The following DYM variants were observed in gnomAD, a reference collection of about 807,000 sequenced individuals.
The protein encoded by DYM is dyggve-Melchior-Clausen syndrome protein.
In DYM, 78 loss-of-function variants were observed where a neutral mutation model predicts 93.1. That is an observed-to-expected ratio of 0.84 (90% confidence interval 0.70 to 1.01). The LOEUF (loss-of-function observed/expected upper bound fraction) is 1.01. DYM is among the 50% of genes least tolerant of loss of function. The probability of loss-of-function intolerance (pLI) is 0.00; values close to 1 mark genes in which losing one functional copy is unlikely to be tolerated. For missense variants in DYM, 789 were observed against 845.0 expected, an observed-to-expected ratio of 0.93 and a Z score of 0.82; for synonymous variants, 321 against 319.7, an observed-to-expected ratio of 1.00 and a Z score of -0.04.
intron 8 of DYM, among the ~76,000 whole-genome samples, chr18:49,328,553 C>A (rs1160998427): frequency 6.6e-6 from 1 of 152,114 alleles, no homozygotes; most frequent in Non-Finnish European, 1.5e-5. Flanking sequence ...GGGCTAATAT[C>A]CACAATCTAC....
chr18:49,159,910 G>T (rs80341063), intron 15 of DYM, among the ~76,000 whole-genome samples: 1 of 152,074 alleles, frequency 6.6e-6, no homozygotes, highest in Non-Finnish European at 1.5e-5. Context: ...TATGGTTATA[G>T]CTTAAAAAGC....
chr18:49,447,060 CAA>C (rs59079856), intron 1 of DYM, among the ~76,000 whole-genome samples: 9 of 98,360 alleles, frequency 9.2e-5, no homozygotes, highest in African/African-American at 1.2e-4. Context: ...GACTCCATCA[CAA>C]AAAAAAAAAA....
chr18:49,176,783 AATTT>A (rs1388610102), intron 14 of DYM, among the ~76,000 whole-genome samples: 5 of 152,078 alleles, frequency 3.3e-5, no homozygotes, highest in African/African-American at 1.2e-4. Flanking sequence ...AAAAATTGGT[AATTT>A]ATCTAAAAAG....
intron 13 of DYM, among the ~76,000 whole-genome samples, chr18:49,217,422 C>A (rs533151834): frequency 6.6e-6 from 1 of 151,894 alleles, no homozygotes; most frequent in Non-Finnish European, 1.5e-5. Context: ...AGATACTCCT[C>A]GAGAAGAGCA....
chr18:49,267,758 C>T (rs1277104779), intron 11 of DYM, among the ~76,000 whole-genome samples: 2 of 152,078 alleles, frequency 1.3e-5, no homozygotes, highest in African/African-American at 4.8e-5. Flanking sequence ...ATTAGCCAGG[C>T]CTGGTGGCGT....
At chr18:49,439,930 A>T (rs2081184237) in intron 1 of DYM, among the ~76,000 whole-genome samples, 1 of 151,788 alleles carries the variant, frequency 6.6e-6, no homozygotes. Flanking sequence ...CCTGAAATCC[A>T]GGATTTTGAA....
chr18:49,133,460 C>G (rs2144161872), intron 15 of DYM, among the ~76,000 whole-genome samples: 1 of 152,334 alleles, frequency 6.6e-6, no homozygotes, highest in South Asian at 2.1e-4. Flanking sequence ...TTTGGTTCCT[C>G]CGCATCTAAT....
chr18:49,086,368 T>A (rs2078526988), intron 17 of DYM, among the ~76,000 whole-genome samples: 1 of 152,110 alleles, frequency 6.6e-6, no homozygotes, highest in African/African-American at 2.4e-5. Flanking sequence ...CAAGTCCCCC[T>A]CCCATGATAC....
intron 16 of DYM, among the ~76,000 whole-genome samples, chr18:49,112,146 C>A (rs2081478397): frequency 6.6e-6 from 1 of 151,698 alleles, no homozygotes; most frequent in South Asian, 2.1e-4. Flanking sequence ...CCTCCGCACC[C>A]CCACCCCTGC....
At chr18:49,363,656 T>C (rs1252867000) in intron 5 of DYM, among the ~76,000 whole-genome samples, 2 of 152,220 alleles carry the variant, frequency 1.3e-5, no homozygotes, top group African/African-American at 4.8e-5. Context: ...ATATCTGGCC[T>C]TACCCTTGAT....
intron 14 of DYM, chr18:49,206,384 T>A (rs1010104128): frequency 2.6e-5 from 4 of 152,422 alleles, no homozygotes; most frequent in Admixed American, 6.5e-5. Flanking sequence ...GAAAGCTATT[T>A]GATTTTGTTA....
At chr18:49,074,698 G>T (rs537420452) in intron 17 of DYM, among the ~76,000 whole-genome samples, 3 of 152,302 alleles carry the variant, frequency 2.0e-5, no homozygotes, top group African/African-American at 7.2e-5. Context: ...GTAGAACAGA[G>T]CTACAAATGA....
intron 17 of DYM, among the ~76,000 whole-genome samples, chr18:49,062,279 C>G (rs1170567414): frequency 6.6e-6 from 1 of 152,200 alleles, no homozygotes; most frequent in Non-Finnish European, 1.5e-5. Flanking sequence ...TCTTACAAAA[C>G]TAAAACAATG....
intron 17 of DYM, among the ~76,000 whole-genome samples, chr18:49,085,328 A>T (rs757502790): frequency 7.9e-5 from 12 of 152,230 alleles, no homozygotes; most frequent in Admixed American, 2.6e-4. Flanking sequence ...TTTAAATCTA[A>T]TAGGGTAATT....
At chr18:49,293,267 T>C (rs1039256931) in intron 8 of DYM, among the ~76,000 whole-genome samples, 1 of 152,214 alleles carries the variant, frequency 6.6e-6, no homozygotes, top group Non-Finnish European at 1.5e-5. Flanking sequence ...TCTATGTGAA[T>C]AGTGCTGCAG....
intron 8 of DYM, among the ~76,000 whole-genome samples, chr18:49,315,752 T>A (rs2061890596): frequency 6.6e-6 from 1 of 152,186 alleles, no homozygotes; most frequent in African/African-American, 2.4e-5. Context: ...AAATGAATCA[T>A]AGTATATCAT....
intron 8 of DYM, among the ~76,000 whole-genome samples, chr18:49,318,776 C>A (rs1402658022): frequency 2.0e-5 from 3 of 150,098 alleles, no homozygotes; most frequent in African/African-American, 7.4e-5. Flanking sequence ...TGTATATGAA[C>A]AGGTAACATT....
chr18:49,395,893 G>A (rs997351755), intron 2 of DYM, among the ~76,000 whole-genome samples: 1 of 152,188 alleles, frequency 6.6e-6, no homozygotes, highest in African/African-American at 2.4e-5. Flanking sequence ...AATGTTAGAG[G>A]TGGGGCCTAA....
chr18:49,354,142 CA>C (rs948416924), intron 6 of DYM, among the ~76,000 whole-genome samples: 7 of 151,878 alleles, frequency 4.6e-5, no homozygotes, highest in African/African-American at 1.7e-4. Context: ...TGGTCTTTGA[CA>C]AAGAAGCAAA....
Sources: gnomAD v4.1 joint callset for allele counts (sites outside exome capture counted in the v4.1 genomes callset) on GRCh38, gnomAD v4.1.1 for gene constraint, MANE v1.5 for transcripts, NCBI Gene and HGNC (gene_info 2026-07-23, HGNC 2026-07-21) for gene names.